The following PTPRD variants were observed in gnomAD, a reference collection of about 807,000 sequenced individuals.
The protein encoded by PTPRD is protein tyrosine phosphatase receptor type D.
A neutral mutation model predicts 214.5 loss-of-function variants in PTPRD; 34 were observed. The observed-to-expected ratio is 0.16, with a 90% CI of 0.12 to 0.21. The LOEUF is 0.21. PTPRD is among the 10% of genes least tolerant of loss of function. The pLI is 1.00. For missense variants in PTPRD, 2,545 were observed against 2,398.7 expected (o/e 1.06, Z -1.27); for synonymous variants, 1,128 against 845.7 (o/e 1.33, Z -5.79).
chr9:8,722,392 G>C (rs1328572214), intron 12 of PTPRD, among the ~76,000 whole-genome samples: 5 of 152,004 alleles, frequency 3.3e-5, no homozygotes, highest in African/African-American at 4.8e-5. Flanking sequence ...TACTATTTTA[G>C]AGAAAACATT....
intron 3 of PTPRD, among the ~76,000 whole-genome samples, chr9:10,145,856 AAT>A (rs764961791): frequency 5.3e-5 from 8 of 152,212 alleles, no homozygotes; most frequent in Non-Finnish European, 8.8e-5. Flanking sequence ...ATAATGGCAA[AAT>A]GAAAATTATT....
At chr9:8,745,721 T>G (rs575564020) in intron 11 of PTPRD, among the ~76,000 whole-genome samples, 3 of 152,208 alleles carry the variant, frequency 2.0e-5, no homozygotes, top group Non-Finnish European at 2.9e-5. Context: ...TGCAGACACA[T>G]GTTTATACCA....
At chr9:9,588,179 G>T (rs1356112245) in intron 7 of PTPRD, among the ~76,000 whole-genome samples, 2 of 151,686 alleles carry the variant, frequency 1.3e-5, no homozygotes, top group East Asian at 3.9e-4. Context: ...GGACCTGCAA[G>T]GATTTTAACC....
At chr9:9,746,729 C>G (rs977238234) in intron 6 of PTPRD, among the ~76,000 whole-genome samples, 1 of 151,682 alleles carries the variant, frequency 6.6e-6, no homozygotes, top group African/African-American at 2.4e-5. Context: ...GAATCCAGAG[C>G]TAGCTCACAC....
chr9:8,375,240 A>T (rs1035734002), intron 39 of PTPRD, among the ~76,000 whole-genome samples: 2 of 152,000 alleles, frequency 1.3e-5, no homozygotes, highest in African/African-American at 4.8e-5. Flanking sequence ...AAATCAGCTT[A>T]ATATTTAAAA....
chr9:9,508,262 C>A (rs1034840415), intron 8 of PTPRD, among the ~76,000 whole-genome samples: 1 of 151,352 alleles, frequency 6.6e-6, no homozygotes, highest in Admixed American at 6.6e-5. Context: ...ATACAAGAAG[C>A]GCTCCAGTGG....
chr9:8,625,012 C>G (rs1399038683), intron 14 of PTPRD, among the ~76,000 whole-genome samples: 1 of 151,794 alleles, frequency 6.6e-6, no homozygotes, highest in Non-Finnish European at 1.5e-5. Flanking sequence ...TGTACCTGTT[C>G]ATGCCACAAA....
At chr9:9,747,066 G>A (rs188728319) in intron 6 of PTPRD, among the ~76,000 whole-genome samples, 5 of 152,152 alleles carry the variant, frequency 3.3e-5, no homozygotes, top group East Asian at 1.9e-4. Flanking sequence ...TAGAATACTG[G>A]GGTCATGCTC....
At chr9:9,851,476 C>G (rs866950430) in intron 5 of PTPRD, among the ~76,000 whole-genome samples, 4 of 152,294 alleles carry the variant, frequency 2.6e-5, no homozygotes, top group South Asian at 2.1e-4. Context: ...GAAGTTACAA[C>G]AAGTACTGCA....
At chr9:10,236,431 C>T (rs925866588) in intron 3 of PTPRD, among the ~76,000 whole-genome samples, 1 of 151,898 alleles carries the variant, frequency 6.6e-6, no homozygotes, top group Non-Finnish European at 1.5e-5. Flanking sequence ...TAATCATTCA[C>T]TTCTTTCCAT....
intron 2 of PTPRD, among the ~76,000 whole-genome samples, chr9:10,483,496 C>G (rs2099113591): frequency 6.6e-6 from 1 of 151,270 alleles, no homozygotes. Flanking sequence ...AGAGAATCTA[C>G]AGAATGAAAA....
chr9:8,568,231 C>T (rs1043372091), intron 14 of PTPRD, among the ~76,000 whole-genome samples: 7 of 152,106 alleles, frequency 4.6e-5, no homozygotes, highest in African/African-American at 1.7e-4. Context: ...TACCATTTAT[C>T]AAAACCTTAG....
At chr9:8,393,746 G>A (rs2090316411) in intron 36 of PTPRD, among the ~76,000 whole-genome samples, 1 of 151,980 alleles carries the variant, frequency 6.6e-6, no homozygotes, top group South Asian at 2.1e-4. Context: ...ATAAATAATT[G>A]TTTAGCCTTC....
intron 8 of PTPRD, among the ~76,000 whole-genome samples, chr9:9,426,419 C>G (rs2080947439): frequency 6.6e-6 from 1 of 152,182 alleles, no homozygotes; most frequent in African/African-American, 2.4e-5. Flanking sequence ...GAAGCTCGAA[C>G]TGGGTGGAGC....
intron 44 of PTPRD, among the ~76,000 whole-genome samples, chr9:8,331,164 A>C (rs1840327268): frequency 6.6e-6 from 1 of 152,162 alleles, no homozygotes. Context: ...GACTGGCAGA[A>C]CTTAATATTG....
intron 4 of PTPRD, among the ~76,000 whole-genome samples, chr9:9,959,135 G>C (rs2094166614): frequency 6.6e-6 from 1 of 152,018 alleles, no homozygotes; most frequent in African/African-American, 2.4e-5. Flanking sequence ...ACAAATTGTA[G>C]TATATCTATA....
chr9:8,438,097 G>A (rs1464811693), intron 34 of PTPRD, among the ~76,000 whole-genome samples: 1 of 152,134 alleles, frequency 6.6e-6, no homozygotes, highest in East Asian at 1.9e-4. Context: ...TTGACATTCT[G>A]CTGTCACTGT....
At chr9:9,218,006 C>A (rs966318437) in intron 9 of PTPRD, among the ~76,000 whole-genome samples, 1 of 152,126 alleles carries the variant, frequency 6.6e-6, no homozygotes, top group Non-Finnish European at 1.5e-5. Flanking sequence ...TTCATGTTCA[C>A]TCTGTTTGTT....
At chr9:9,204,502 C>G (rs1031291310) in intron 9 of PTPRD, among the ~76,000 whole-genome samples, 2 of 152,114 alleles carry the variant, frequency 1.3e-5, no homozygotes, top group African/African-American at 4.8e-5. Flanking sequence ...TAAGCATTAC[C>G]GGGTTCTCAA....
Sources: allele counts gnomAD v4.1 joint callset (sites outside exome capture counted in the v4.1 genomes callset), GRCh38; gene constraint gnomAD v4.1.1; transcripts MANE v1.5; gene names NCBI Gene and HGNC (gene_info 2026-07-23, HGNC 2026-07-21).